SEZ6L: variants seen among roughly 807,000 people sequenced by gnomAD.
The protein encoded by SEZ6L is seizure related 6 homolog like.
Under a neutral mutation model 106.2 loss-of-function variants are expected in SEZ6L, and 37 were observed. The observed-to-expected ratio is 0.35, with a 90% CI of 0.27 to 0.46. The LOEUF is 0.46. SEZ6L is among the 20% of genes least tolerant of loss of function. The pLI, the probability that SEZ6L is intolerant of heterozygous loss-of-function variation, is 1.00. For missense variants in SEZ6L, 1,172 were observed against 1,332.8 expected, an observed-to-expected ratio of 0.88 and a Z score of 1.88; for synonymous variants, 541 against 570.4, an observed-to-expected ratio of 0.95 and a Z score of 0.73.
Position 26,292,959 on chromosome 22 carries a change from C to G in SEZ6L, c.648C>G (p.Pro216=), listed in dbSNP as rs1456504460. Residue 216 remains proline, a synonymous_variant, in exon 2 of 17, where the codon CCC becomes CCG. Coordinates refer to ENST00000248933, the MANE Select transcript of SEZ6L (RefSeq NM_021115.5). ...TSQPYVAHTL[P]QRPEPGEPGP... ...AGCCCTATGTGGCCCACACACTCCC[C>G]CAGAGGCCAGAACCCGGGGAGCCTG... 1.2e-6 allele frequency: 2 copies of G among 1,613,950 alleles called. No individual in the cohort carries two copies. The highest frequency in any genetic ancestry group is 1.3e-5 in the African/African-American group (1 of 75,070).
intron 1 of SEZ6L, among the ~76,000 whole-genome samples, chr22:26,176,796 A>C (rs572989906): frequency 6.6e-6 from 1 of 152,322 alleles, no homozygotes; most frequent in Admixed American, 6.5e-5. Context: ...GTAAACTTCT[A>C]TTCATCCTTC....
intron 1 of SEZ6L, among the ~76,000 whole-genome samples, chr22:26,256,243 G>A (rs890632411): frequency 6.6e-6 from 1 of 152,200 alleles, no homozygotes; most frequent in African/African-American, 2.4e-5. Context: ...AGGGACGTGT[G>A]CATGAAAGAA....
intron 13 of SEZ6L, among the ~76,000 whole-genome samples, chr22:26,366,779 A>G (rs1435492304): frequency 1.3e-5 from 2 of 152,096 alleles, no homozygotes; most frequent in Non-Finnish European, 2.9e-5. Flanking sequence ...AAACTTCCCC[A>G]CCTTCAAAGT....
At chr22:26,264,640 G>T (rs978904096) in intron 1 of SEZ6L, among the ~76,000 whole-genome samples, 24 of 152,174 alleles carry the variant, frequency 1.6e-4, no homozygotes, top group African/African-American at 5.6e-4. Flanking sequence ...ATGCTTTGAT[G>T]GTTATTTAGT....
chr22:26,307,197 T>A (rs747328655), intron 6 of SEZ6L, among the ~76,000 whole-genome samples: 33 of 152,104 alleles, frequency 2.2e-4, no homozygotes, highest in Non-Finnish European at 3.7e-4. Flanking sequence ...ATGAGAGATG[T>A]GATGAGGAGC....
At position 26,304,903 on chromosome 22, in the gene SEZ6L, T is replaced by A. The variant is rs1311301863; in HGVS notation, c.1349-1076T>A. On this transcript the variant is annotated intron_variant, in intron 5 of 16. Coordinates refer to ENST00000248933, the MANE Select transcript of SEZ6L (RefSeq NM_021115.5). Reference sequence around the variant, plus strand: ...ATGGGGATATGTTCTAGGAAATGCATCTTTAGATGATGTCATCATTGCGTG... The same window carrying A: ...ATGGGGATATGTTCTAGGAAATGCAACTTTAGATGATGTCATCATTGCGTG... Among the ~76,000 whole-genome samples, 3 of 152,320 alleles carry A rather than the reference T, an allele frequency of 2.0e-5. No homozygotes were observed. The East Asian group carries it at 5.8e-4, about 29-fold the overall frequency.
chr22:26,218,602 G>A (rs2078364925), intron 1 of SEZ6L, among the ~76,000 whole-genome samples: 1 of 152,224 alleles, frequency 6.6e-6, no homozygotes, highest in Admixed American at 6.5e-5. Context: ...AGGAGTTCAA[G>A]ACCAGCCTGG....
chr22:26,322,722 A>G (rs2082191160), intron 9 of SEZ6L, among the ~76,000 whole-genome samples: 1 of 152,184 alleles, frequency 6.6e-6, no homozygotes, highest in Admixed American at 6.5e-5. Context: ...TTGGTGTTGG[A>G]GGAAAGAAGG....
At chr22:26,343,655 C>G (rs900764411) in intron 10 of SEZ6L, among the ~76,000 whole-genome samples, 3 of 152,110 alleles carry the variant, frequency 2.0e-5, no homozygotes, top group Non-Finnish European at 4.4e-5. Flanking sequence ...AGTGGAAATG[C>G]GAAAGGCAGT....
At chr22:26,371,660 C>CA (rs1370197217) in intron 13 of SEZ6L, among the ~76,000 whole-genome samples, 6 of 112,144 alleles carry the variant, frequency 5.4e-5, no homozygotes, top group South Asian at 8.3e-4. Flanking sequence ...ACACAAATGA[C>CA]AAAAAAAGGA....
chr22:26,308,065 A>C (rs1298352137), intron 6 of SEZ6L, among the ~76,000 whole-genome samples: 1 of 152,174 alleles, frequency 6.6e-6, no homozygotes, highest in Non-Finnish European at 1.5e-5. Flanking sequence ...TGATGAAGAC[A>C]CTACTCTCTG....
chr22:26,192,549 A>G (rs1205537455), intron 1 of SEZ6L, among the ~76,000 whole-genome samples: 2 of 152,236 alleles, frequency 1.3e-5, no homozygotes, highest in Admixed American at 6.5e-5. Context: ...TATGAACACT[A>G]AATTTAAAAA....
At position 26,169,696 on chromosome 22, in the gene SEZ6L, G is replaced by A. The variant is rs1938438102; in HGVS notation, c.27G>A (p.Ala9=). 2 of 1,314,878 alleles carry A rather than the reference G, an allele frequency of 1.5e-6. No homozygotes were observed. Among genetic ancestry groups the A allele is most frequent in the Non-Finnish European group, 1.9e-6 (2 of 1,034,262 alleles). 81.5% of individuals were successfully genotyped at this position (1,314,878 alleles called of 1,614,324 possible). The change falls in exon 1 of 17, where the codon GCG becomes GCA. Residue 9 remains alanine (A), a synonymous_variant. Coordinates refer to ENST00000248933, the MANE Select transcript of SEZ6L (RefSeq NM_021115.5). The part of the protein sequence containing the change: MPAARPPA[A]GLRGISLFLA... ...TGCCCGCGGCCCGGCCGCCCGCCGC[G>A]GGACTCCGCGGGATCTCGCTGTTCC...
chr22:26,202,830 A>C (rs2145682425), intron 1 of SEZ6L, among the ~76,000 whole-genome samples: 1 of 152,378 alleles, frequency 6.6e-6, no homozygotes, highest in Admixed American at 6.5e-5. Flanking sequence ...GCATAGGACG[A>C]GTCATTAGTC....
At chr22:26,293,535 G>T (rs770769933) in intron 2 of SEZ6L, among the ~76,000 whole-genome samples, 9 of 152,034 alleles carry the variant, frequency 5.9e-5, no homozygotes, top group Non-Finnish European at 1.0e-4. Flanking sequence ...CTTGCTTATT[G>T]TCCAGGCTGG....
At chr22:26,363,312 T>A (rs5761495) in intron 12 of SEZ6L, among the ~76,000 whole-genome samples, 75,264 of 152,132 alleles carry the variant, frequency 0.49, 19,621 homozygotes, top group East Asian at 0.95. Context: ...AGCTGGGACC[T>A]ATACTGTACT....
chr22:26,331,327 T>C (rs962569158), intron 9 of SEZ6L, among the ~76,000 whole-genome samples: 2 of 152,230 alleles, frequency 1.3e-5, no homozygotes, highest in Non-Finnish European at 2.9e-5. Context: ...AGGCTGTTTT[T>C]ATCCTTTTTG....
intron 1 of SEZ6L, among the ~76,000 whole-genome samples, chr22:26,275,871 C>A (rs548647078): frequency 3.3e-5 from 5 of 152,276 alleles, no homozygotes; most frequent in African/African-American, 1.2e-4. Context: ...TGGAGCAGAT[C>A]CCCTGCTGAT....
intron 6 of SEZ6L, among the ~76,000 whole-genome samples, chr22:26,307,161 A>G (rs2081657331): frequency 6.6e-6 from 1 of 152,152 alleles, no homozygotes; most frequent in Non-Finnish European, 1.5e-5. Flanking sequence ...TAGGGTACTT[A>G]TGCACCAGCT....
Sources: allele counts gnomAD v4.1 joint callset (sites outside exome capture counted in the v4.1 genomes callset), GRCh38; gene constraint gnomAD v4.1.1; transcripts MANE v1.5; gene names NCBI Gene and HGNC (gene_info 2026-07-23, HGNC 2026-07-21).